Variants in PEX7 observed in about 807,000 individuals in gnomAD.
PEX7 encodes the protein peroxisomal biogenesis factor 7.
In PEX7, 34 loss-of-function variants were observed where a neutral mutation model predicts 47.5. The ratio of observed to expected loss-of-function variants is 0.72; its 90% confidence interval spans 0.54 to 0.95. The LOEUF (loss-of-function observed/expected upper bound fraction) is 0.95, where lower values mean the gene tolerates loss of function less well. Among genes scored for constraint, PEX7 ranks in the 40% least tolerant of loss-of-function variants. The pLI, the probability that PEX7 is intolerant of heterozygous loss-of-function variation, is 0.00. For missense variants in PEX7, 394 were observed against 400.3 expected (o/e 0.98, Z 0.13); for synonymous variants, 141 against 148.8 (o/e 0.95, Z 0.38).
At chr6:136,846,220 T>C (rs368817992) in intron 5 of PEX7, 39 bp downstream of exon 5, 23 of 1,295,482 alleles carry the variant, frequency 1.8e-5, no homozygotes, top group Non-Finnish European at 2.2e-5. Context: ...TTACTTGTAG[T>C]GAATGGTGGC....
At chr6:136,902,003 G>A (rs1042540163) in intron 9 of PEX7, among the ~76,000 whole-genome samples, 28 of 152,130 alleles carry the variant, frequency 1.8e-4, no homozygotes, top group African/African-American at 5.3e-4. Flanking sequence ...CAGGCTGGTC[G>A]CAAACTCCCG....
intron 6 of PEX7, 26 bp from the exon 7 acceptor site, chr6:136,869,864 T>G: frequency 6.5e-7 from 1 of 1,533,140 alleles, no homozygotes; most frequent in Non-Finnish European, 9.0e-7. Context: ...GATGTCACAG[T>G]TTATGTTTCT....
intron 3 of PEX7, among the ~76,000 whole-genome samples, chr6:136,837,008 A>G (rs1007846362): frequency 2.0e-5 from 3 of 151,846 alleles, no homozygotes; most frequent in Non-Finnish European, 4.4e-5. Context: ...AAAAAAATTA[A>G]CATTGTTACT....
chr6:136,842,379 T>TC (rs1774517185), intron 3 of PEX7, among the ~76,000 whole-genome samples: 1 of 152,234 alleles, frequency 6.6e-6, no homozygotes, highest in African/African-American at 2.4e-5. Flanking sequence ...TAATGCTTGC[T>TC]ACTTGGTTGT....
intron 5 of PEX7, among the ~76,000 whole-genome samples, chr6:136,847,729 G>T (rs1774654272): frequency 6.6e-6 from 1 of 152,174 alleles, no homozygotes; most frequent in African/African-American, 2.4e-5. Flanking sequence ...CCAGTACCAT[G>T]CTGTTTTGAT....
At chr6:136,911,835 G>C (rs1441991105) in intron 9 of PEX7, among the ~76,000 whole-genome samples, 1 of 152,150 alleles carries the variant, frequency 6.6e-6, no homozygotes, top group African/African-American at 2.4e-5. Flanking sequence ...TCAAAAGATA[G>C]GTATGTGTTT....
chr6:136,843,188 A>G (rs758427100), intron 3 of PEX7, among the ~76,000 whole-genome samples: 1 of 152,198 alleles, frequency 6.6e-6, no homozygotes, highest in African/African-American at 2.4e-5. Context: ...GCACCTTACT[A>G]GCTTTGGGAC....
intron 8 of PEX7, among the ~76,000 whole-genome samples, chr6:136,880,125 T>TG (rs1189686210): frequency 6.8e-6 from 1 of 146,712 alleles, no homozygotes; most frequent in Non-Finnish European, 1.5e-5. Flanking sequence ...TACTTCACTA[T>TG]TTTTTTTTTT....
At chr6:136,903,490 G>T (rs1190750362) in intron 9 of PEX7, among the ~76,000 whole-genome samples, 1 of 151,638 alleles carries the variant, frequency 6.6e-6, no homozygotes. Flanking sequence ...ATAATCTTTA[G>T]TGAATGAATA....
chr6:136,823,231 A>G, intron 1 of PEX7: 1 of 985,408 alleles, frequency 1.0e-6, no homozygotes. Context: ...CCCAGTCTGC[A>G]TTCGAGCACT....
intron 9 of PEX7, among the ~76,000 whole-genome samples, chr6:136,905,231 G>A (rs1775826636): frequency 6.6e-6 from 1 of 151,984 alleles, no homozygotes; most frequent in Non-Finnish European, 1.5e-5. Flanking sequence ...TCTTCCAGTG[G>A]GTTTCTAATT....
chr6:136,823,210 G>C (rs536210269), intron 1 of PEX7: 1 of 985,402 alleles, frequency 1.0e-6, no homozygotes, highest in African/African-American at 1.7e-5. Context: ...CTCGCGAGTT[G>C]GCCCACAATT....
chr6:136,910,839 T>G (rs1775921880), intron 9 of PEX7, among the ~76,000 whole-genome samples: 1 of 152,202 alleles, frequency 6.6e-6, no homozygotes, highest in South Asian at 2.1e-4. Flanking sequence ...TTTTCTTCTT[T>G]TTTTTAAATT....
intron 3 of PEX7, among the ~76,000 whole-genome samples, chr6:136,832,435 C>T (rs937715258): frequency 3.9e-5 from 6 of 152,208 alleles, no homozygotes; most frequent in South Asian, 4.1e-4. Context: ...TCTGACATGC[C>T]TTGGATACAT....
At chr6:136,877,924 TC>T (rs2115240722) in intron 8 of PEX7, among the ~76,000 whole-genome samples, 1 of 152,360 alleles carries the variant, frequency 6.6e-6, no homozygotes, top group East Asian at 1.9e-4. Context: ...TATTGATTCT[TC>T]CTATCCATGA....
intron 9 of PEX7, among the ~76,000 whole-genome samples, chr6:136,903,696 T>G (rs1426804708): frequency 1.3e-5 from 2 of 152,132 alleles, no homozygotes; most frequent in African/African-American, 4.8e-5. Context: ...AGGGTCACTG[T>G]GTCACACAGG....
chr6:136,847,336 C>T (rs1287195874), intron 5 of PEX7, among the ~76,000 whole-genome samples: 1 of 151,714 alleles, frequency 6.6e-6, no homozygotes, highest in Non-Finnish European at 1.5e-5. Flanking sequence ...TGTGCAGAAG[C>T]TCTTTAGTTT....
intron 3 of PEX7, among the ~76,000 whole-genome samples, chr6:136,833,198 G>A (rs1774324817): frequency 6.6e-6 from 1 of 152,094 alleles, no homozygotes; most frequent in African/African-American, 2.4e-5. Flanking sequence ...CAATCATGGT[G>A]GAAGCAGACA....
At chr6:136,879,467 G>T (rs1775337214) in intron 8 of PEX7, among the ~76,000 whole-genome samples, 1 of 152,074 alleles carries the variant, frequency 6.6e-6, no homozygotes, top group African/African-American at 2.4e-5. Flanking sequence ...TGCTTTCTAT[G>T]TCGTTTTTGA....
Sources: gnomAD v4.1 joint callset for allele counts (sites outside exome capture counted in the v4.1 genomes callset) on GRCh38, gnomAD v4.1.1 for gene constraint, MANE v1.5 for transcripts, NCBI Gene and HGNC (gene_info 2026-07-23, HGNC 2026-07-21) for gene names.